CSMD1: variants seen among roughly 807,000 people sequenced by gnomAD.
The protein encoded by CSMD1 is CUB and Sushi multiple domains 1.
Under a neutral mutation model 417.5 loss-of-function variants are expected in CSMD1, and 213 were observed. The ratio of observed to expected loss-of-function variants is 0.51; its 90% CI spans 0.46 to 0.57. The LOEUF is 0.57. Ranked by LOEUF, CSMD1 falls within the 20% of genes least tolerant of loss-of-function variation. CSMD1 has a pLI of 0.00. For synonymous variants in CSMD1, 2,862 were observed against 1,736.8 expected, an observed-to-expected ratio of 1.65 and a Z score of -16.11; for missense variants, 6,923 against 4,529.7, an observed-to-expected ratio of 1.53 and a Z score of -15.17.
chr8:4,279,873 G>T (rs540177089), intron 3 of CSMD1, among the ~76,000 whole-genome samples: 1 of 152,130 alleles, frequency 6.6e-6, no homozygotes, highest in Non-Finnish European at 1.5e-5. Flanking sequence ...TGAATCTGAA[G>T]CAGATGCCAA....
At chr8:4,294,081 T>C (rs1159705475) in intron 3 of CSMD1, among the ~76,000 whole-genome samples, 7 of 152,194 alleles carry the variant, frequency 4.6e-5, no homozygotes, top group Admixed American at 1.3e-4. Context: ...TACTGCGAAG[T>C]TGAAGTTCTA....
intron 7 of CSMD1, among the ~76,000 whole-genome samples, chr8:3,649,469 C>A (rs1039479858): frequency 2.6e-5 from 4 of 152,166 alleles, no homozygotes; most frequent in African/African-American, 7.2e-5. Context: ...CACAGTTCAT[C>A]ATGGCTGGGG....
intron 27 of CSMD1, among the ~76,000 whole-genome samples, chr8:3,225,520 G>C (rs1158585047): frequency 6.6e-6 from 1 of 152,132 alleles, no homozygotes; most frequent in Non-Finnish European, 1.5e-5. Context: ...GGACCGATCA[G>C]GGAGCGGGAG....
chr8:3,726,587 G>C (rs534427412), intron 6 of CSMD1, among the ~76,000 whole-genome samples: 1 of 152,126 alleles, frequency 6.6e-6, no homozygotes, highest in African/African-American at 2.4e-5. Context: ...AGGAAATCTG[G>C]ATATTCATGT....
At position 3,157,886 on chromosome 8, in the gene CSMD1, T is replaced by C. The variant is rs1408031850; in HGVS notation, c.5914+11A>G. 2.6e-6 allele frequency: 4 copies of C among 1,550,414 alleles called. No individual in the cohort carries two copies. The highest frequency in any genetic ancestry group is 3.5e-6 in the Non-Finnish European group (4 of 1,145,650). ...TGCGCAGCAGCAGAGTTACAGAAGG[T>C]GCATCCTTACCAATGCACAGGGGAG... On this transcript the variant is annotated intron_variant, in intron 39 of 69. Coordinates refer to ENST00000635120, the MANE Select transcript of CSMD1 (RefSeq NM_033225.6).
chr8:4,524,647 T>C (rs960838129), intron 2 of CSMD1, among the ~76,000 whole-genome samples: 4 of 150,426 alleles, frequency 2.7e-5, no homozygotes, highest in Admixed American at 6.8e-5. Flanking sequence ...TAGTGAGTCA[T>C]GTTGATGAAA....
chr8:4,238,329 G>C (rs968345595), intron 3 of CSMD1, among the ~76,000 whole-genome samples: 2 of 152,154 alleles, frequency 1.3e-5, no homozygotes, highest in African/African-American at 2.4e-5. Context: ...CAGCATGTGC[G>C]CGAGGGTGGT....
At chr8:4,327,339 G>C (rs550429652) in intron 3 of CSMD1, among the ~76,000 whole-genome samples, 1 of 152,106 alleles carries the variant, frequency 6.6e-6, no homozygotes, top group Non-Finnish European at 1.5e-5. Context: ...GAGAGAATCA[G>C]AATAGGCAGA....
Position 3,682,981 on chromosome 8 carries a change from G to A in CSMD1, c.1009+25433C>T, listed in dbSNP as rs1212645587. On this transcript the variant is annotated intron_variant, in intron 7 of 69. Transcript: ENST00000635120. ...AAACACTGCATGTTGTCACTCATAC[G>A]TGGGAACTGAACAATGAGAACACAT... 3.3e-5 allele frequency among the ~76,000 whole-genome samples: 5 copies of A among 152,080 alleles called. No homozygotes were observed. The East Asian group carries it at 7.7e-4, about 24-fold the overall frequency.
intron 47 of CSMD1, among the ~76,000 whole-genome samples, chr8:3,092,203 A>G (rs951738539): frequency 3.7e-4 from 57 of 152,294 alleles, no homozygotes; most frequent in African/African-American, 1.3e-3. Flanking sequence ...TGGAGTTTTA[A>G]AAAAAGAATT....
intron 5 of CSMD1, among the ~76,000 whole-genome samples, chr8:3,962,119 CTCTT>C (rs767022845): frequency 7.9e-4 from 121 of 152,272 alleles, no homozygotes; most frequent in Non-Finnish European, 1.5e-3. Context: ...GACCTTCCTC[CTCTT>C]TCTGTGTCCA....
intron 49 of CSMD1, among the ~76,000 whole-genome samples, chr8:3,071,789 G>T (rs1813341407): frequency 6.6e-6 from 1 of 152,134 alleles, no homozygotes. Context: ...CTACTCCATG[G>T]ATTCATTGCA....
At chr8:4,095,348 G>A (rs1476379587) in intron 3 of CSMD1, among the ~76,000 whole-genome samples, 1 of 152,022 alleles carries the variant, frequency 6.6e-6, no homozygotes, top group Admixed American at 6.6e-5. Flanking sequence ...TTCCTGCATT[G>A]CCTGGTTGTA....
At chr8:4,572,809 T>C (rs1442784208) in intron 2 of CSMD1, among the ~76,000 whole-genome samples, 1 of 152,186 alleles carries the variant, frequency 6.6e-6, no homozygotes, top group Non-Finnish European at 1.5e-5. Flanking sequence ...GGAAGCTCTA[T>C]TCTTTCCTTT....
intron 12 of CSMD1, among the ~76,000 whole-genome samples, chr8:3,462,208 G>T (rs1028819243): frequency 6.6e-6 from 1 of 151,998 alleles, no homozygotes; most frequent in Non-Finnish European, 1.5e-5. Context: ...GTCCCTCCCT[G>T]GGGGCCACCC....
intron 5 of CSMD1, among the ~76,000 whole-genome samples, chr8:3,886,530 A>T (rs1239402381): frequency 6.6e-6 from 1 of 152,230 alleles, no homozygotes; most frequent in African/African-American, 2.4e-5. Context: ...GTTTGAAAGC[A>T]GGCCATGGAC....
At chr8:4,686,296 G>T (rs751148872) in intron 1 of CSMD1, among the ~76,000 whole-genome samples, 1 of 152,122 alleles carries the variant, frequency 6.6e-6, no homozygotes, top group Admixed American at 6.5e-5. Context: ...CCATTAAAAC[G>T]AACATATATG....
chr8:4,029,576 C>A (rs564392325), intron 4 of CSMD1, among the ~76,000 whole-genome samples: 16 of 152,200 alleles, frequency 1.1e-4, no homozygotes, highest in African/African-American at 2.4e-4. Flanking sequence ...TGGCTTCCTC[C>A]CACATGTGAG....
intron 1 of CSMD1, among the ~76,000 whole-genome samples, chr8:4,838,912 A>G (rs1306150604): frequency 6.6e-6 from 1 of 152,252 alleles, no homozygotes; most frequent in Non-Finnish European, 1.5e-5. Context: ...TCTAAAGGTT[A>G]CATAAACTTA....
Sources: allele counts gnomAD v4.1 joint callset (sites outside exome capture counted in the v4.1 genomes callset), GRCh38; gene constraint gnomAD v4.1.1; transcripts MANE v1.5; gene names NCBI Gene and HGNC (gene_info 2026-07-23, HGNC 2026-07-21).